The following ATF7IP variants were observed in gnomAD, a reference collection of about 807,000 sequenced individuals.
ATF7IP encodes activating transcription factor 7-interacting protein 1.
Under a neutral mutation model 106.4 loss-of-function variants are expected in ATF7IP, and 23 were observed. The observed-to-expected ratio is 0.22, with a 90% CI of 0.16 to 0.31. The LOEUF is 0.31. Among genes scored for constraint, ATF7IP ranks in the 10% least tolerant of loss-of-function variants. ATF7IP has a pLI of 1.00. For synonymous variants in ATF7IP, 542 were observed against 539.0 expected (o/e 1.01, Z -0.08); for missense variants, 1,334 against 1,524.3 (o/e 0.88, Z 2.08).
rs886929456 is a variant in ATF7IP at position 14,406,808 on chromosome 12, G to A, written c.-7-17101G>A. Reference sequence around the variant, plus strand: ...AGGGTTTTACCATCTTTCCCAGGCTGGTCTTGAACTCCTGACATTGTGATC... The same window carrying A: ...AGGGTTTTACCATCTTTCCCAGGCTAGTCTTGAACTCCTGACATTGTGATC... On this transcript the variant is annotated intron_variant, in intron 1 of 14. Transcript: ENST00000261168. 1.1e-4 allele frequency among the ~76,000 whole-genome samples: 16 copies of A among 151,446 alleles called. No homozygotes were observed. The East Asian group carries it at 2.9e-3, about 28-fold the overall frequency.
intron 9 of ATF7IP, among the ~76,000 whole-genome samples, chr12:14,465,878 C>T (rs572144081): frequency 6.6e-5 from 10 of 152,148 alleles, no homozygotes; most frequent in South Asian, 2.1e-4. Flanking sequence ...CTCCATGTTA[C>T]CAAACAGGAA....
chr12:14,384,846 T>G (rs899490840), intron 1 of ATF7IP, among the ~76,000 whole-genome samples: 1 of 150,084 alleles, frequency 6.7e-6, no homozygotes, highest in African/African-American at 2.4e-5. Flanking sequence ...AAATTGAAAT[T>G]CTTTTCATGA....
intron 1 of ATF7IP, among the ~76,000 whole-genome samples, chr12:14,384,819 A>G (rs1329552333): frequency 6.7e-6 from 1 of 150,344 alleles, no homozygotes; most frequent in Non-Finnish European, 1.5e-5. Flanking sequence ...GATTTAAACA[A>G]TTTTCTAGAA....
intron 1 of ATF7IP, among the ~76,000 whole-genome samples, chr12:14,399,154 T>G (rs1297692738): frequency 6.6e-6 from 1 of 152,152 alleles, no homozygotes; most frequent in Non-Finnish European, 1.5e-5. Flanking sequence ...TCTGAATTTC[T>G]TCATAGGTTC....
chr12:14,493,492 C>A (rs994917362), intron 13 of ATF7IP, among the ~76,000 whole-genome samples: 4 of 152,192 alleles, frequency 2.6e-5, no homozygotes, highest in Non-Finnish European at 1.5e-5. Context: ...TCACATATCA[C>A]AGGCTTTATT....
chr12:14,459,284 A>G (rs1169502076), intron 8 of ATF7IP, among the ~76,000 whole-genome samples: 1 of 152,142 alleles, frequency 6.6e-6, no homozygotes, highest in Non-Finnish European at 1.5e-5. Context: ...TTGCACAAGC[A>G]TTTTTCCTTA....
At chr12:14,468,367 G>A (rs2136757061) in intron 10 of ATF7IP, among the ~76,000 whole-genome samples, 1 of 151,492 alleles carries the variant, frequency 6.6e-6, no homozygotes, top group South Asian at 2.1e-4. Flanking sequence ...GAGGTGGGGT[G>A]TAGTGGCTCA....
chr12:14,367,815 T>C (rs1938369674), intron 1 of ATF7IP, among the ~76,000 whole-genome samples: 1 of 152,092 alleles, frequency 6.6e-6, no homozygotes, highest in South Asian at 2.1e-4. Flanking sequence ...TAAGATTAAT[T>C]AATTGCCTGA....
chr12:14,379,958 GTT>G (rs1161426063), intron 1 of ATF7IP, among the ~76,000 whole-genome samples: 1 of 151,912 alleles, frequency 6.6e-6, no homozygotes, highest in African/African-American at 2.4e-5. Flanking sequence ...ACTCTGGAAA[GTT>G]TTCTTAAATG....
intron 1 of ATF7IP, among the ~76,000 whole-genome samples, chr12:14,392,439 T>TA (rs1939610098): frequency 6.6e-6 from 1 of 152,200 alleles, no homozygotes; most frequent in Non-Finnish European, 1.5e-5. Flanking sequence ...TAAGAATTCT[T>TA]ACTTGTGCAA....
chr12:14,443,086 C>T (rs567807854), intron 5 of ATF7IP, among the ~76,000 whole-genome samples: 16 of 152,172 alleles, frequency 1.1e-4, no homozygotes, highest in Admixed American at 7.2e-4. Context: ...ACCCAGGAGG[C>T]GGAGGTTGCA....
intron 12 of ATF7IP, among the ~76,000 whole-genome samples, chr12:14,480,095 A>T (rs1237780399): frequency 1.3e-5 from 2 of 152,132 alleles, no homozygotes; most frequent in Non-Finnish European, 2.9e-5. Context: ...TAAAGACTGA[A>T]GAGTCTTTAG....
At chr12:14,447,440 C>T (rs970111006) in intron 6 of ATF7IP, among the ~76,000 whole-genome samples, 2 of 151,896 alleles carry the variant, frequency 1.3e-5, no homozygotes, top group Admixed American at 1.3e-4. Flanking sequence ...CACCACCATG[C>T]CTGACTGATT....
chr12:14,456,347 G>T (rs763693251), intron 6 of ATF7IP, among the ~76,000 whole-genome samples: 2 of 152,136 alleles, frequency 1.3e-5, no homozygotes, highest in Non-Finnish European at 2.9e-5. Context: ...CAAATGATAA[G>T]CAGTTGTCTT....
rs1945105404 is a variant in ATF7IP at position 14,499,472 on chromosome 12, A to C, written c.*1399A>C. The C allele has an allele frequency of 1.3e-5, 2 of 152,224 alleles. No individual in the cohort carries two copies. Among genetic ancestry groups the C allele is most frequent in the Admixed American group, 6.5e-5 (1 of 15,284 alleles). The allele number at this position is 152,224 out of a possible 1,614,324, so 9.4% of individuals were successfully genotyped here. On this transcript the variant is annotated 3_prime_UTR_variant, in exon 15 of 15. Coordinates refer to ENST00000261168, the MANE Select transcript of ATF7IP (RefSeq NM_018179.5). ...TCACCCAAAGCTATCACCCAACACTAACTCCTTAGTATTCTTTCAAAGGAA... is the reference window on the plus strand; with the variant it reads ...TCACCCAAAGCTATCACCCAACACTCACTCCTTAGTATTCTTTCAAAGGAA...
chr12:14,410,276 T>G (rs1940840811), intron 1 of ATF7IP, among the ~76,000 whole-genome samples: 1 of 152,142 alleles, frequency 6.6e-6, no homozygotes, highest in Non-Finnish European at 1.5e-5. Context: ...AATTCATAAG[T>G]TTTAAATTTG....
At chr12:14,446,725 A>G in intron 5 of ATF7IP, among the ~76,000 whole-genome samples, 1 of 152,214 alleles carries the variant, frequency 6.6e-6, no homozygotes, top group Non-Finnish European at 1.5e-5. Flanking sequence ...AGTGAGCAAC[A>G]CTCAAAAGTT....
At chr12:14,464,474 C>G (rs1943754395) in intron 9 of ATF7IP, among the ~76,000 whole-genome samples, 1 of 152,158 alleles carries the variant, frequency 6.6e-6, no homozygotes, top group Non-Finnish European at 1.5e-5. Flanking sequence ...CAGTTTAACT[C>G]CTGTAAAGTG....
At chr12:14,429,546 C>T (rs1280919742) in intron 2 of ATF7IP, among the ~76,000 whole-genome samples, 1 of 151,986 alleles carries the variant, frequency 6.6e-6, no homozygotes, top group African/African-American at 2.4e-5. Context: ...TGATATTTTC[C>T]TCCCCTTGTT....
Sources: allele counts gnomAD v4.1 joint callset (sites outside exome capture counted in the v4.1 genomes callset), GRCh38; gene constraint gnomAD v4.1.1; transcripts MANE v1.5; gene names NCBI Gene and HGNC (gene_info 2026-07-23, HGNC 2026-07-21).